The following PTK2B variants were observed in gnomAD, a reference collection of about 807,000 sequenced individuals.
The protein encoded by PTK2B is protein-tyrosine kinase 2-beta.
PTK2B carries 71 observed loss-of-function variants against 142.9 expected under a neutral mutation model. That is an observed-to-expected ratio of 0.50 (90% CI 0.41 to 0.61). The LOEUF is 0.61. Among genes scored for constraint, PTK2B ranks in the 20% least tolerant of loss-of-function variants. PTK2B has a pLI of 0.00. For synonymous variants in PTK2B, 519 were observed against 503.4 expected (o/e 1.03, Z -0.42); for missense variants, 1,105 against 1,320.4 (o/e 0.84, Z 2.53).
intron 1 of PTK2B, among the ~76,000 whole-genome samples, chr8:27,351,020 T>A (rs1252739565): frequency 0.021 from 1,343 of 62,722 alleles, 266 homozygotes; most frequent in African/African-American, 0.024. Context: ...TATATATATA[T>A]ATATATATAT....
upstream of PTK2B, among the ~76,000 whole-genome samples, chr8:27,324,469 T>G (rs991221304): frequency 6.6e-6 from 1 of 152,246 alleles, no homozygotes; most frequent in Non-Finnish European, 1.5e-5. Flanking sequence ...CTATGGGTAG[T>G]CCACTAATTA....
chr8:27,446,992 CT>C (rs764932507), intron 24 of PTK2B, among the ~76,000 whole-genome samples: 2 of 152,180 alleles, frequency 1.3e-5, no homozygotes, highest in Admixed American at 1.3e-4. Flanking sequence ...TAGGCATGTG[CT>C]ATAATTTAGG....
At chr8:27,320,257 C>T (rs1367104506) in intron 3 of PTK2B, among the ~76,000 whole-genome samples, 2 of 152,134 alleles carry the variant, frequency 1.3e-5, no homozygotes, top group African/African-American at 4.8e-5. Context: ...GTCTGTGAGC[C>T]TAATCTTTCA....
chr8:27,343,877 C>G (rs1235678718), intron 1 of PTK2B, among the ~76,000 whole-genome samples: 1 of 151,990 alleles, frequency 6.6e-6, no homozygotes. Flanking sequence ...GTGGTGGGCG[C>G]CTGTAGTCCC....
intron 1 of PTK2B, among the ~76,000 whole-genome samples, chr8:27,331,795 C>A (rs1205756997): frequency 1.3e-5 from 2 of 152,160 alleles, no homozygotes; most frequent in African/African-American, 4.8e-5. Flanking sequence ...AATTAATGTA[C>A]TGATTTAGGG....
At chr8:27,335,331 G>A (rs1004479634) in intron 1 of PTK2B, among the ~76,000 whole-genome samples, 14 of 152,214 alleles carry the variant, frequency 9.2e-5, no homozygotes, top group African/African-American at 3.4e-4. Context: ...AGTGACTCAT[G>A]CCTGTAATCC....
chr8:27,311,536 G>A, exon 1 of PTK2B: 1 of 454,434 alleles, frequency 2.2e-6, no homozygotes, highest in Non-Finnish European at 3.9e-6. Flanking sequence ...AGCACGGAAG[G>A]GTCTCCCAGG....
chr8:27,394,448 T>C (rs1402656856), intron 1 of PTK2B, among the ~76,000 whole-genome samples: 1 of 152,190 alleles, frequency 6.6e-6, no homozygotes, highest in Non-Finnish European at 1.5e-5. Context: ...ACAGTAAAAA[T>C]ACAGTGTAAA....
At chr8:27,326,232 G>C (rs1294553267) in intron 1 of PTK2B, among the ~76,000 whole-genome samples, 1 of 78,738 alleles carries the variant, frequency 1.3e-5, no homozygotes, top group South Asian at 2.9e-4. Flanking sequence ...GTGTATGTGT[G>C]TGTGTGTGTG....
chr8:27,435,852 A>G (rs1810743588), intron 14 of PTK2B, 59 bp downstream of exon 14: 10 of 1,556,642 alleles, frequency 6.4e-6, no homozygotes, highest in South Asian at 3.3e-5. Flanking sequence ...TGACATGGCA[A>G]GGACTCTGGT....
intron 1 of PTK2B, among the ~76,000 whole-genome samples, chr8:27,394,898 C>T (rs1807948048): frequency 6.6e-6 from 1 of 151,994 alleles, no homozygotes. Context: ...ATTAGCATAA[C>T]CCTACACAAG....
chr8:27,311,560 C>G (rs569852926), exon 1 of PTK2B: 36 of 390,366 alleles, frequency 9.2e-5, no homozygotes, highest in Non-Finnish European at 1.6e-4. Flanking sequence ...CGTAGTAGGG[C>G]TTCCGTGTTA....
chr8:27,372,143 A>C (rs1806398378), intron 1 of PTK2B, among the ~76,000 whole-genome samples: 5 of 152,268 alleles, frequency 3.3e-5, no homozygotes, highest in Admixed American at 3.3e-4. Flanking sequence ...AAATGTGGTC[A>C]GTGAGCCAGA....
At chr8:27,328,328 A>G (rs923237479) in intron 1 of PTK2B, among the ~76,000 whole-genome samples, 3 of 152,224 alleles carry the variant, frequency 2.0e-5, no homozygotes, top group Non-Finnish European at 4.4e-5. Flanking sequence ...AGTAGCGCTA[A>G]GAGATAGAGG....
chr8:27,396,609 G>A (rs562716206), intron 1 of PTK2B, among the ~76,000 whole-genome samples: 1 of 152,338 alleles, frequency 6.6e-6, no homozygotes, highest in African/African-American at 2.4e-5. Context: ...TGATTATGTG[G>A]AGCTAAGGCC....
chr8:27,442,211 C>G (rs1333390219), intron 21 of PTK2B, among the ~76,000 whole-genome samples: 1 of 152,066 alleles, frequency 6.6e-6, no homozygotes, highest in Non-Finnish European at 1.5e-5. Context: ...TTTTATTATA[C>G]ATAATAAAAT....
At chr8:27,446,031 C>A (rs1811451645) in intron 24 of PTK2B, 112 bp downstream of exon 24, 2 of 1,460,256 alleles carry the variant, frequency 1.4e-6, no homozygotes, top group African/African-American at 1.4e-5. Flanking sequence ...CCTTCCTGTT[C>A]CCATGCACCA....
intron 1 of PTK2B, among the ~76,000 whole-genome samples, chr8:27,384,197 A>G (rs1175075658): frequency 6.7e-6 from 1 of 150,154 alleles, no homozygotes; most frequent in Admixed American, 6.6e-5. Context: ...TGGTCTCCCT[A>G]TTTGTGCAGG....
chr8:27,389,559 C>G lies in PTK2B; in HGVS notation c.-37-7989C>G, dbSNP rs560918168. Among the ~76,000 whole-genome samples the G allele has an allele frequency of 2.4e-4, 37 of 152,328 alleles. No individual in the cohort carries two copies. The East Asian group carries it at 6.6e-3, about 27-fold the overall frequency. On this transcript the variant is annotated intron_variant, in intron 1 of 30. Coordinates refer to ENST00000346049, the MANE Select transcript of PTK2B (RefSeq NM_173176.3). ...TCCCCTCCTGCCCCGCAAGACCCCC[C>G]CAAGCCAGCTGGCCTCTGAGCTGGC...
Sources: gnomAD v4.1 joint callset for allele counts (sites outside exome capture counted in the v4.1 genomes callset) on GRCh38, gnomAD v4.1.1 for gene constraint, MANE v1.5 for transcripts, NCBI Gene and HGNC (gene_info 2026-07-23, HGNC 2026-07-21) for gene names.